PMVK: variants seen among roughly 807,000 people sequenced by gnomAD.
PMVK encodes phosphomevalonate kinase.
In PMVK, 10 loss-of-function variants were observed where a neutral mutation model predicts 19.0. The observed-to-expected ratio is 0.53, with a 90% CI of 0.32 to 0.89. The LOEUF (loss-of-function observed/expected upper bound fraction) is 0.89, where lower values mean the gene tolerates loss of function less well. Ranked by LOEUF, PMVK falls within the 40% of genes least tolerant of loss-of-function variation. The pLI, the probability that PMVK is intolerant of heterozygous loss-of-function variation, is 0.03. For synonymous variants in PMVK, 108 were observed against 101.6 expected, an observed-to-expected ratio of 1.06 and a Z score of -0.38; for missense variants, 222 against 251.1, an observed-to-expected ratio of 0.88 and a Z score of 0.78.
At chr1:154,930,028 C>T (rs1654287381) in intron 2 of PMVK, among the ~76,000 whole-genome samples, 1 of 152,184 alleles carries the variant, frequency 6.6e-6, no homozygotes, top group Non-Finnish European at 1.5e-5. Context: ...GGTTATATTT[C>T]TTCTTGTGAC....
rs140690994 is a variant in PMVK, at chr1:154,925,209, C to A, written c.499G>T (p.Val167Phe). 1 of 1,613,886 alleles carries A rather than the reference C, an allele frequency of 6.2e-7. No individual in the cohort carries two copies. The highest frequency in any genetic ancestry group is 1.1e-5 in the South Asian group (1 of 91,072). The change falls in exon 5 of 5, where the codon GTC becomes TTC. Residue 167 changes from valine to phenylalanine, a missense_variant. Coordinates refer to ENST00000368467, the MANE Select transcript of PMVK (RefSeq NM_006556.4). ...TGTTCAACTCCATGGTTCTCGATGA[C>A]CCAGTCAAAGTCCCCGAAGTTGTCC... ...GLDNFGDFDW[V>F]IENHGVEQRL... is the part of the protein sequence containing the mutation.
At chr1:154,940,462 G>A (rs1654618698), upstream of PMVK, among the ~76,000 whole-genome samples, 1 of 152,158 alleles carries the variant, frequency 6.6e-6, no homozygotes, top group Non-Finnish European at 1.5e-5. Context: ...ATTTCCTACA[G>A]TAGCCATCCC....
At position 154,926,400 on chromosome 1, in the gene PMVK, T is replaced by C; in HGVS notation, c.396A>G (p.Val132=). ...GCTGCTGTCGGCTCTGCTCCAACGC[T>C]ACAACGCGGACCGTCTGCGTCACGG... ...YGAVTQTVRV[V]ALEQSRQQRG... The change falls in exon 4 of 5, where the codon GTA becomes GTG. Residue 132 remains valine (V), a synonymous_variant. Coordinates refer to ENST00000368467, the MANE Select transcript of PMVK (RefSeq NM_006556.4). The C allele has an allele frequency of 6.2e-7, 1 of 1,613,846 alleles. No individual in the cohort carries two copies. Among genetic ancestry groups the C allele is most frequent in the Admixed American group, 1.7e-5 (1 of 60,000 alleles).
chr1:154,930,693 C>T (rs1654309196), intron 2 of PMVK, among the ~76,000 whole-genome samples: 1 of 151,644 alleles, frequency 6.6e-6, no homozygotes. Context: ...CATCCCCCCA[C>T]CACCACCCCA....
rs780182244 is a variant in PMVK at position 154,926,464 on chromosome 1, C to T, written c.332G>A (p.Arg111Lys). Residue 111 changes from arginine to lysine, a missense_variant, in exon 4 of 5, where the codon AGA becomes AAA. Physicochemically the swap from Arg to Lys is conservative, Grantham distance 26. Coordinates refer to ENST00000368467, the MANE Select transcript of PMVK (RefSeq NM_006556.4). Reference protein sequence around the residue: ...QPIWLVSDTRRVSDIQWFREA... With the variant: ...QPIWLVSDTRKVSDIQWFREA... ...CCGAAACCACTGGATGTCAGACACTCTCCGTGTGTCACTCACCAGCTGCAG... is the reference window on the plus strand; with the variant it reads ...CCGAAACCACTGGATGTCAGACACTTTCCGTGTGTCACTCACCAGCTGCAG... The T allele has an allele frequency of 3.1e-6, 5 of 1,613,896 alleles. No individual in the cohort carries two copies. In the South Asian group the frequency reaches 5.5e-5, roughly 18 times the overall value.
At chr1:154,937,202 GC>G (rs1343725237), upstream of PMVK, among the ~76,000 whole-genome samples, 1 of 152,228 alleles carries the variant, frequency 6.6e-6, no homozygotes, top group Non-Finnish European at 1.5e-5. Flanking sequence ...TAGTACATGT[GC>G]CACAGCAAAT....
In PMVK at chr1:154,925,026, T is replaced by A. The variant is rs1043524057; in HGVS notation, c.*103A>T. On this transcript the variant is annotated 3_prime_UTR_variant, in exon 5 of 5. Transcript: ENST00000368467. The stretch of plus-strand genomic sequence containing the variant: ...ACCCCCTCAGAATCTAGACCCCCCC[T>A]GTCTGTTCCTCACCTCGGCCAGGAT... 64 of 377,836 alleles carry A rather than the reference T, an allele frequency of 1.7e-4. No individual in the cohort carries two copies. The highest frequency in any genetic ancestry group is 3.2e-4 in the East Asian group (3 of 9,284). 23.4% of individuals were successfully genotyped at this position (377,836 alleles called of 1,614,324 possible).
upstream of PMVK, among the ~76,000 whole-genome samples, chr1:154,938,476 C>T (rs188378191): frequency 1.8e-4 from 28 of 152,284 alleles, no homozygotes; most frequent in East Asian, 5.0e-3. Flanking sequence ...CGGGCACCTG[C>T]AATCCAGCTA....
intron 3 of PMVK, among the ~76,000 whole-genome samples, chr1:154,928,598 C>A (rs1654240640): frequency 6.6e-6 from 1 of 151,926 alleles, no homozygotes; most frequent in Non-Finnish European, 1.5e-5. Flanking sequence ...ATGGTGAAAA[C>A]CCGTCTCTAC....
Position 154,924,961 on chromosome 1 carries a change from G to A in PMVK, c.*168C>T, listed in dbSNP as rs899789666. 22 of 681,000 alleles carry A rather than the reference G, an allele frequency of 3.2e-5. No individual in the cohort carries two copies. The highest frequency in any genetic ancestry group is 4.6e-5 in the Non-Finnish European group (18 of 394,222). The allele number at this position is 681,000 out of a possible 1,614,324, so 42.2% of individuals were successfully genotyped here. ...TGGCTGTCTTCCCCATGGAGAAAAT[G>A]AGGTCTCCAGAGGTTTCCTGCCTTG... On this transcript the variant is annotated 3_prime_UTR_variant, in exon 5 of 5. Coordinates refer to ENST00000368467, the MANE Select transcript of PMVK (RefSeq NM_006556.4).
At chr1:154,939,476 G>A (rs1158287429), upstream of PMVK, among the ~76,000 whole-genome samples, 2 of 151,618 alleles carry the variant, frequency 1.3e-5, no homozygotes, top group East Asian at 3.9e-4. Flanking sequence ...ACGAGGTCAG[G>A]AGATCGAGAC....
upstream of PMVK, among the ~76,000 whole-genome samples, chr1:154,941,174 C>A (rs931326657): frequency 1.3e-5 from 2 of 152,204 alleles, no homozygotes; most frequent in Admixed American, 1.3e-4. Context: ...GGGCTGGGAG[C>A]CCCCCTGGCC....
At chr1:154,925,876 T>C (rs779310242) in intron 4 of PMVK, among the ~76,000 whole-genome samples, 10 of 152,218 alleles carry the variant, frequency 6.6e-5, no homozygotes, top group Non-Finnish European at 1.3e-4. Context: ...GTAGTGGTCA[T>C]ACCCATTGGA....
At chr1:154,935,558 GTTT>G (rs1008313632) in intron 1 of PMVK, among the ~76,000 whole-genome samples, 1 of 151,954 alleles carries the variant, frequency 6.6e-6, no homozygotes, top group Non-Finnish European at 1.5e-5. Flanking sequence ...ATTTGTTTGG[GTTT>G]TTTTTCTTTT....
intron 3 of PMVK, among the ~76,000 whole-genome samples, chr1:154,927,475 A>C (rs938859263): frequency 3.7e-4 from 55 of 147,392 alleles, no homozygotes; most frequent in Non-Finnish European, 7.0e-4. Flanking sequence ...AAAAAAAAAA[A>C]ACACAGGAAA....
chr1:154,933,053 G>A lies in PMVK; in HGVS notation c.96-638C>T, dbSNP rs143878919. Among the ~76,000 whole-genome samples, 224 of 152,300 alleles carry A rather than the reference G, an allele frequency of 1.5e-3. 1 individual carries two copies. Among genetic ancestry groups the A allele is most frequent in the African/African-American group, 4.9e-3 (204 of 41,566 alleles). ...GAGCCCAGGAGTTCCAGGCTACAGT[G>A]AGCCATGATTGTACCACTGTATGCC... is the stretch of plus-strand genomic sequence containing the variant. On this transcript the variant is annotated intron_variant, in intron 1 of 4. Coordinates refer to ENST00000368467, the MANE Select transcript of PMVK (RefSeq NM_006556.4).
At chr1:154,934,468 C>A (rs1006018284) in intron 1 of PMVK, among the ~76,000 whole-genome samples, 7 of 152,116 alleles carry the variant, frequency 4.6e-5, no homozygotes, top group Admixed American at 3.3e-4. Context: ...TGGCATGCAC[C>A]ACCATACCCA....
At chr1:154,932,517 C>T in intron 1 of PMVK, 102 bp from the exon 2 acceptor site, 1 of 693,226 alleles carries the variant, frequency 1.4e-6, no homozygotes, top group Non-Finnish European at 2.4e-6. Flanking sequence ...CCCATTTCTA[C>T]TACTGGTATT....
intron 2 of PMVK, among the ~76,000 whole-genome samples, chr1:154,931,187 A>G (rs1654325060): frequency 6.6e-6 from 1 of 152,184 alleles, no homozygotes; most frequent in South Asian, 2.1e-4. Context: ...AGATGACCCA[A>G]TGCTTCCCAT....
Sources: gnomAD v4.1 joint callset for allele counts (sites outside exome capture counted in the v4.1 genomes callset) on GRCh38, gnomAD v4.1.1 for gene constraint, MANE v1.5 for transcripts, NCBI Gene and HGNC (gene_info 2026-07-23, HGNC 2026-07-21) for gene names.